The following CNOT2 variants were observed in gnomAD, a reference collection of about 807,000 sequenced individuals.
CNOT2 encodes CCR4-NOT transcription complex subunit 2.
In CNOT2, 7 loss-of-function variants were observed where a neutral mutation model predicts 72.1. The ratio of observed to expected loss-of-function variants is 0.10; its 90% confidence interval spans 0.06 to 0.18. CNOT2 has a LOEUF of 0.18. CNOT2 is among the 10% of genes least tolerant of loss of function. CNOT2 has a pLI of 1.00. For synonymous variants in CNOT2, 196 were observed against 225.6 expected (o/e 0.87, Z 1.17); for missense variants, 345 against 660.3 (o/e 0.52, Z 5.23).
At chr12:70,246,567 C>G (rs993301542) in intron 1 of CNOT2, among the ~76,000 whole-genome samples, 3 of 152,094 alleles carry the variant, frequency 2.0e-5, no homozygotes, top group Non-Finnish European at 4.4e-5. Context: ...GGTGACTGTT[C>G]TTCCTTACTA....
chr12:70,324,602 G>T (rs865825498), intron 4 of CNOT2, among the ~76,000 whole-genome samples: 18 of 151,498 alleles, frequency 1.2e-4, no homozygotes, highest in African/African-American at 3.6e-4. Flanking sequence ...GTGTACTTGG[G>T]AGATCCACAC....
At position 70,354,648 on chromosome 12, in the gene CNOT2, G is replaced by A. The variant is rs948418186; in HGVS notation, c.*733G>A. The stretch of plus-strand genomic sequence containing the variant: ...CACATGAATAAAGGTATGTATGTAC[G>A]AATGTGTATATATTATATATATGAC... On this transcript the variant is annotated 3_prime_UTR_variant, in exon 16 of 16. Coordinates refer to ENST00000229195, the MANE Select transcript of CNOT2 (RefSeq NM_014515.7). The A allele has an allele frequency of 2.6e-5, 4 of 152,514 alleles. No individual in the cohort carries two copies. Among genetic ancestry groups the A allele is most frequent in the African/African-American group, 4.8e-5 (2 of 41,386 alleles). 9.4% of individuals were successfully genotyped at this position (152,514 alleles called of 1,614,324 possible). A position where few individuals can be genotyped will look rare whatever the true frequency, so the allele number is the denominator to read the frequency against.
chr12:70,256,582 T>TAAAAAAAAAAAAAAAAAAAAAAAAAAAA, intron 1 of CNOT2, among the ~76,000 whole-genome samples: 1 of 108,470 alleles, frequency 9.2e-6, no homozygotes, highest in Non-Finnish European at 1.9e-5. Flanking sequence ...GACCTGTGGG[T>TAAAAAAAAAAAAAAAAAAAAAAAAAAAA]AAAAAAAAAA....
chr12:70,249,557 G>A (rs150659894), intron 1 of CNOT2, among the ~76,000 whole-genome samples: 3 of 151,930 alleles, frequency 2.0e-5, no homozygotes, highest in African/African-American at 7.2e-5. Context: ...AGAGAAAATC[G>A]TGATTTATTA....
At chr12:70,306,315 C>T (rs1293341028) in intron 2 of CNOT2, among the ~76,000 whole-genome samples, 1 of 152,056 alleles carries the variant, frequency 6.6e-6, no homozygotes, top group East Asian at 1.9e-4. Context: ...GCCACCATGC[C>T]TGGCTAATTT....
intron 2 of CNOT2, among the ~76,000 whole-genome samples, chr12:70,286,756 A>G (rs1347202009): frequency 1.4e-5 from 2 of 148,088 alleles, no homozygotes; most frequent in African/African-American, 4.9e-5. Flanking sequence ...CTCCCCTCCA[A>G]CACAAAAAGA....
intron 4 of CNOT2, among the ~76,000 whole-genome samples, chr12:70,326,194 T>C (rs1879050881): frequency 6.6e-6 from 1 of 151,854 alleles, no homozygotes; most frequent in Non-Finnish European, 1.5e-5. Context: ...AAAATTTGAC[T>C]CAAAATTATA....
chr12:70,342,799 T>G (rs1218420477), intron 13 of CNOT2, among the ~76,000 whole-genome samples: 1 of 152,170 alleles, frequency 6.6e-6, no homozygotes, highest in African/African-American at 2.4e-5. Flanking sequence ...AAGAAAATGG[T>G]GGCACTTTTT....
chr12:70,342,135 T>C lies in CNOT2; in HGVS notation c.1207T>C (p.Trp403Arg). The C allele has an allele frequency of 6.2e-7, 1 of 1,610,584 alleles. No homozygotes were observed. The highest frequency in any genetic ancestry group is 1.1e-5 in the South Asian group (1 of 90,982). The stretch of plus-strand genomic sequence containing the variant: ...TCTCTACCCCAAATTTGCGTCACCC[T>C]GGGCATCTTCACCTTGTCGACCTCA... ...ENLYPKFASP[W>R]ASSPCRPQDI... The change falls in exon 12 of 16, where the codon TGG becomes CGG. Residue 403 changes from tryptophan to arginine, a missense_variant. Around this residue, in one of 4 missense-constraint regions of CNOT2, gnomAD observed 128 missense variants for 233.0 expected, o/e 0.55. Transcript: ENST00000229195.
chr12:70,282,078 T>A (rs1283762162), intron 2 of CNOT2, among the ~76,000 whole-genome samples: 1 of 152,180 alleles, frequency 6.6e-6, no homozygotes, highest in Non-Finnish European at 1.5e-5. Context: ...GCTTGGTGCT[T>A]GGTATGTAGA....
At chr12:70,303,999 G>A (rs1002030996) in intron 2 of CNOT2, among the ~76,000 whole-genome samples, 2 of 152,024 alleles carry the variant, frequency 1.3e-5, no homozygotes, top group Non-Finnish European at 2.9e-5. Context: ...TGATCTCATT[G>A]GCTACTGAGG....
At chr12:70,336,599 A>G (rs1258571816) in intron 8 of CNOT2, 2 of 151,990 alleles carry the variant, frequency 1.3e-5, no homozygotes, top group East Asian at 1.9e-4. Context: ...GGAAACATTT[A>G]TTGTTTATAT....
At chr12:70,269,981 A>G (rs144527978) in intron 1 of CNOT2, among the ~76,000 whole-genome samples, 14 of 152,290 alleles carry the variant, frequency 9.2e-5, no homozygotes, top group Admixed American at 7.2e-4. Flanking sequence ...TTTTAATATT[A>G]TTGCCATTTG....
chr12:70,275,196 CCT>C (rs1170681304), intron 1 of CNOT2, among the ~76,000 whole-genome samples: 1 of 152,034 alleles, frequency 6.6e-6, no homozygotes, highest in East Asian at 1.9e-4. Context: ...GAACCACTCT[CCT>C]CTGATTTGCA....
intron 15 of CNOT2, among the ~76,000 whole-genome samples, chr12:70,352,254 T>TC (rs1565843018): frequency 0.016 from 1 of 64 alleles, no homozygotes; most frequent in Non-Finnish European, 0.031. Context: ...TGCCGCTTAC[T>TC]GATGACTTGT....
chr12:70,341,084 T>C (rs1318420566), intron 11 of CNOT2, among the ~76,000 whole-genome samples: 1 of 152,026 alleles, frequency 6.6e-6, no homozygotes, highest in Non-Finnish European at 1.5e-5. Flanking sequence ...GATTTCACCA[T>C]GTTGGCCAGG....
intron 1 of CNOT2, among the ~76,000 whole-genome samples, chr12:70,267,420 C>G (rs1300780135): frequency 1.3e-5 from 2 of 152,188 alleles, no homozygotes; most frequent in African/African-American, 4.8e-5. Flanking sequence ...CTTAATCGCT[C>G]CTTTCTTTTG....
intron 4 of CNOT2, 104 bp downstream of exon 4, chr12:70,319,468 C>T: frequency 3.7e-6 from 4 of 1,075,056 alleles, no homozygotes; most frequent in Admixed American, 2.1e-5. Context: ...TATTGTATGA[C>T]TTAAAAGGAA....
intron 4 of CNOT2, among the ~76,000 whole-genome samples, chr12:70,325,871 GA>G (rs1878995206): frequency 6.6e-6 from 1 of 151,778 alleles, no homozygotes; most frequent in South Asian, 2.1e-4. Context: ...ATTTAAGTAT[GA>G]ATATTCAGGG....
Sources: allele counts gnomAD v4.1 joint callset (sites outside exome capture counted in the v4.1 genomes callset), GRCh38; gene constraint gnomAD v4.1.1; regional missense constraint gnomAD v4.1.1; transcripts MANE v1.5; gene names NCBI Gene and HGNC (gene_info 2026-07-23, HGNC 2026-07-21).